Variants in DLG2 observed in about 807,000 individuals in gnomAD.
DLG2 encodes discs large MAGUK scaffold protein 2, also known as disks large homolog 2.
In DLG2, 45 loss-of-function variants were observed where a neutral mutation model predicts 132.5. That is an observed-to-expected ratio of 0.34 (90% CI 0.27 to 0.44). The LOEUF (loss-of-function observed/expected upper bound fraction) is 0.44, where lower values mean the gene tolerates loss of function less well. Ranked by LOEUF, DLG2 falls within the 20% of genes least tolerant of loss-of-function variation. The pLI is 1.00. For synonymous variants in DLG2, 424 were observed against 419.6 expected (o/e 1.01, Z -0.13); for missense variants, 1,045 against 1,196.9 (o/e 0.87, Z 1.87).
At chr11:84,236,793 G>A (rs1454023) in intron 8 of DLG2, among the ~76,000 whole-genome samples, 107,921 of 152,084 alleles carry the variant, frequency 0.71, 39,468 homozygotes, top group Middle Eastern at 0.85. Flanking sequence ...CAGGTTAGAA[G>A]AACTAGATGC....
Position 83,549,741 on chromosome 11 carries a change from C to T in DLG2, c.1941-7883G>A, listed in dbSNP as rs576598501. Among the ~76,000 whole-genome samples, 28 of 152,244 alleles carry T rather than the reference C, an allele frequency of 1.8e-4. No homozygotes were observed. The South Asian group carries it at 2.5e-3, about 14-fold the overall frequency. On this transcript the variant is annotated intron_variant, in intron 19 of 27. Transcript: ENST00000376104. ...TATTATCTTCTTAAAAACAATCATTCGTCCACTCGTGCATTTAGTGCATAT... is the reference window on the plus strand; with the variant it reads ...TATTATCTTCTTAAAAACAATCATTTGTCCACTCGTGCATTTAGTGCATAT...
At chr11:84,437,938 G>T (rs1340111131) in intron 7 of DLG2, 3 of 152,522 alleles carry the variant, frequency 2.0e-5, no homozygotes, top group African/African-American at 7.2e-5. Flanking sequence ...GCCACATAAA[G>T]ACAGATCCAC....
intron 7 of DLG2, among the ~76,000 whole-genome samples, chr11:84,282,215 CTAA>C (rs2097860394): frequency 6.6e-6 from 1 of 152,022 alleles, no homozygotes; most frequent in Admixed American, 6.6e-5. Flanking sequence ...AAAACATGGA[CTAA>C]TCTTTAAATA....
intron 7 of DLG2, among the ~76,000 whole-genome samples, chr11:84,478,756 C>T (rs1333090388): frequency 6.6e-5 from 10 of 151,802 alleles, no homozygotes; most frequent in Admixed American, 6.6e-4. Flanking sequence ...ATATTTTTTT[C>T]AACACAAAGT....
intron 3 of DLG2, among the ~76,000 whole-genome samples, chr11:85,353,141 GA>G (rs1367640216): frequency 1.3e-5 from 2 of 151,900 alleles, no homozygotes. Context: ...AAATTTACAA[GA>G]AAAAAACAAA....
chr11:83,980,641 A>T lies in DLG2; in HGVS notation c.921T>A (p.Gly307=). 2 of 1,589,666 alleles carry T rather than the reference A, an allele frequency of 1.3e-6. No homozygotes were observed. Among genetic ancestry groups the T allele is most frequent in the South Asian group, 1.2e-5 (1 of 86,446 alleles). Residue 307 remains glycine, a splice_region_variant and synonymous_variant, in exon 12 of 28, where the codon GGT becomes GGA. Transcript: ENST00000376104. ...CACCTCCTGCAATACTGAAGCCTAA[A>T]CCTATAAGAAAGGAACAGAAAATGG... ...VEIKLFKGPK[G]LGFSIAGGVG...
chr11:83,603,504 C>T (rs1270127527), intron 19 of DLG2, among the ~76,000 whole-genome samples: 1 of 152,040 alleles, frequency 6.6e-6, no homozygotes, highest in Admixed American at 6.6e-5. Context: ...TACAAATTTT[C>T]CCTAAGGTAC....
chr11:85,567,211 C>T (rs75465274), intron 3 of DLG2, among the ~76,000 whole-genome samples: 3 of 152,174 alleles, frequency 2.0e-5, no homozygotes, highest in African/African-American at 7.2e-5. Flanking sequence ...TCTTCAAAAA[C>T]AGCTATTGGT....
chr11:83,998,817 T>C (rs1225361327), intron 11 of DLG2, among the ~76,000 whole-genome samples: 1 of 152,152 alleles, frequency 6.6e-6, no homozygotes, highest in Non-Finnish European at 1.5e-5. Context: ...AACCCAGCAG[T>C]GCCAGGGCTA....
intron 7 of DLG2, among the ~76,000 whole-genome samples, chr11:84,289,969 T>G (rs1331215142): frequency 6.6e-6 from 1 of 152,114 alleles, no homozygotes; most frequent in African/African-American, 2.4e-5. Context: ...GCTTGCAGAT[T>G]TCATTAACAA....
intron 6 of DLG2, among the ~76,000 whole-genome samples, chr11:84,714,998 A>C (rs1757561334): frequency 6.6e-6 from 1 of 151,934 alleles, no homozygotes; most frequent in Non-Finnish European, 1.5e-5. Context: ...CCTGTAGAAG[A>C]AAGGTAGGTT....
intron 3 of DLG2, among the ~76,000 whole-genome samples, chr11:85,511,724 C>G: frequency 6.8e-6 from 1 of 146,456 alleles, no homozygotes; most frequent in East Asian, 2.0e-4. Flanking sequence ...TTTGAAGTTT[C>G]TTTTTTTTTT....
chr11:83,472,341 T>C (rs1316295622), intron 23 of DLG2, among the ~76,000 whole-genome samples: 1 of 152,146 alleles, frequency 6.6e-6, no homozygotes, highest in Non-Finnish European at 1.5e-5. Flanking sequence ...AGCTTACAGA[T>C]AGCCTACATC....
chr11:84,704,584 A>G (rs1389944675), intron 6 of DLG2, among the ~76,000 whole-genome samples: 1 of 151,540 alleles, frequency 6.6e-6, no homozygotes, highest in African/African-American at 2.4e-5. Flanking sequence ...TAAATAAGAG[A>G]TAGCCCTGGC....
At chr11:85,078,667 GAGA>G (rs1405753720) in intron 6 of DLG2, among the ~76,000 whole-genome samples, 3 of 151,988 alleles carry the variant, frequency 2.0e-5, no homozygotes, top group African/African-American at 4.8e-5. Flanking sequence ...ATTTTGGTAG[GAGA>G]AGAAGAAACA....
chr11:83,705,712 A>G (rs1237360985), intron 18 of DLG2, among the ~76,000 whole-genome samples: 1 of 152,224 alleles, frequency 6.6e-6, no homozygotes, highest in Non-Finnish European at 1.5e-5. Context: ...TTTCTACTTA[A>G]TTCCATTATT....
chr11:83,753,895 T>C (rs1157764969), intron 18 of DLG2, among the ~76,000 whole-genome samples: 1 of 127,078 alleles, frequency 7.9e-6, no homozygotes, highest in African/African-American at 3.2e-5. Flanking sequence ...ATATATATCA[T>C]ATATATATTT....
intron 18 of DLG2, among the ~76,000 whole-genome samples, chr11:83,711,269 T>C (rs1024267425): frequency 2.0e-5 from 3 of 152,194 alleles, no homozygotes; most frequent in African/African-American, 7.2e-5. Context: ...ATAGGGTGTA[T>C]AGATGCTATG....
chr11:84,174,968 T>C (rs1035182877), intron 8 of DLG2, among the ~76,000 whole-genome samples: 17 of 152,228 alleles, frequency 1.1e-4, no homozygotes, highest in Non-Finnish European at 1.9e-4. Context: ...AAGAAGCTAG[T>C]TTCTAAGTTA....
Sources: allele counts gnomAD v4.1 joint callset (sites outside exome capture counted in the v4.1 genomes callset), GRCh38; gene constraint gnomAD v4.1.1; transcripts MANE v1.5; gene names NCBI Gene and HGNC (gene_info 2026-07-23, HGNC 2026-07-21).